The following CCDC30 variants were observed in gnomAD, a reference collection of about 807,000 sequenced individuals.
CCDC30 encodes coiled-coil domain-containing protein 30.
CCDC30 carries 70 observed loss-of-function variants against 100.2 expected under a neutral mutation model. The ratio of observed to expected loss-of-function variants is 0.70; its 90% CI spans 0.58 to 0.85. CCDC30 has a LOEUF of 0.85. Ranked by LOEUF, CCDC30 falls within the 40% of genes least tolerant of loss-of-function variation. The pLI is 0.00. For synonymous variants in CCDC30, 233 were observed against 269.5 expected (o/e 0.86, Z 1.33); for missense variants, 652 against 771.2 (o/e 0.85, Z 1.83).
exon 1 of CCDC30, chr1:42,463,510 C>G (rs921795287): frequency 6.6e-6 from 1 of 152,266 alleles, no homozygotes; most frequent in Non-Finnish European, 1.5e-5. Context: ...AGGAGGGGAA[C>G]CCCTCCTGGC....
At chr1:42,524,158 T>G (rs1644689601) in intron 6 of CCDC30, among the ~76,000 whole-genome samples, 1 of 152,084 alleles carries the variant, frequency 6.6e-6, no homozygotes, top group South Asian at 2.1e-4. Flanking sequence ...TTTGTATTTT[T>G]TTTTCTTAAA....
chr1:42,508,806 A>T (rs933041594), intron 6 of CCDC30, among the ~76,000 whole-genome samples: 3 of 152,190 alleles, frequency 2.0e-5, no homozygotes, highest in Non-Finnish European at 4.4e-5. Context: ...ATGGAGAAAA[A>T]TAGTTCAGTT....
chr1:42,482,938 A>C, intron 3 of CCDC30, 122 bp downstream of exon 3: 1 of 678,480 alleles, frequency 1.5e-6, no homozygotes, highest in Non-Finnish European at 2.1e-6. Flanking sequence ...AAACACATAA[A>C]AGTGATGAAC....
chr1:42,472,087 C>G (rs1181789652), intron 1 of CCDC30, among the ~76,000 whole-genome samples: 1 of 152,088 alleles, frequency 6.6e-6, no homozygotes, highest in Non-Finnish European at 1.5e-5. Context: ...AACCTCGTCT[C>G]TACTAAAAAT....
chr1:42,456,146 A>G, the CCDC30 span: 7 of 661,362 alleles, frequency 1.1e-5, no homozygotes, highest in African/African-American at 1.8e-5. Context: ...ATCTGGGTGT[A>G]TTGCTGAAGT....
chr1:42,484,541 C>T (rs1279780180), intron 3 of CCDC30, among the ~76,000 whole-genome samples: 2 of 152,172 alleles, frequency 1.3e-5, no homozygotes, highest in Non-Finnish European at 2.9e-5. Flanking sequence ...AAAGCCATCT[C>T]CACAGTGAGT....
intron 1 of CCDC30, among the ~76,000 whole-genome samples, chr1:42,479,029 C>G (rs1000140972): frequency 1.3e-5 from 2 of 152,100 alleles, no homozygotes; most frequent in Non-Finnish European, 2.9e-5. Flanking sequence ...AAAGTTGGAG[C>G]ACTAACACTT....
intron 9 of CCDC30, among the ~76,000 whole-genome samples, chr1:42,583,436 T>C (rs907371594): frequency 4.6e-5 from 7 of 152,240 alleles, no homozygotes; most frequent in African/African-American, 7.2e-5. Context: ...ATAGTGTATA[T>C]TGTTTCATAA....
At chr1:42,619,628 A>AACCTCACAGGTATT (rs1646792746) in intron 11 of CCDC30, among the ~76,000 whole-genome samples, 1 of 152,096 alleles carries the variant, frequency 6.6e-6, no homozygotes, top group Admixed American at 6.5e-5. Context: ...ATATAGATGA[A>AACCTCACAGGTATT]ACCTCACAGG....
intron 15 of CCDC30, 95 bp downstream of exon 19, chr1:42,646,412 C>A (rs1166248105): frequency 3.1e-6 from 4 of 1,288,504 alleles, no homozygotes; most frequent in Non-Finnish European, 4.0e-6. Context: ...GGTTTCTACA[C>A]TGGAAAAAGT....
intron 6 of CCDC30, chr1:42,558,135 G>A: frequency 3.2e-6 from 1 of 312,272 alleles, no homozygotes; most frequent in Non-Finnish European, 6.8e-6. Flanking sequence ...TTCTACTCTG[G>A]CAGAGTGACT....
intron 9 of CCDC30, among the ~76,000 whole-genome samples, chr1:42,587,907 A>G (rs866996271): frequency 6.6e-6 from 1 of 152,196 alleles, no homozygotes; most frequent in African/African-American, 2.4e-5. Flanking sequence ...CAGAAAGCCA[A>G]TTACTGAGAC....
At chr1:42,636,201 T>C (rs1647152256) in intron 11 of CCDC30, among the ~76,000 whole-genome samples, 2 of 151,372 alleles carry the variant, frequency 1.3e-5, no homozygotes, top group Non-Finnish European at 2.9e-5. Context: ...AGGAGGATAG[T>C]TTGAGGCAGA....
chr1:42,460,107 A>C (rs1643371076), upstream of CCDC30: 1 of 1,361,764 alleles, frequency 7.3e-7, no homozygotes, highest in African/African-American at 1.5e-5. Flanking sequence ...TGTCATTTTG[A>C]TTTTGAAATT....
chr1:42,627,532 C>A (rs1646955908), intron 11 of CCDC30, among the ~76,000 whole-genome samples: 1 of 152,166 alleles, frequency 6.6e-6, no homozygotes, highest in Non-Finnish European at 1.5e-5. Context: ...TGTCAGAGAC[C>A]TTCACAGCAG....
chr1:42,641,565 C>A (rs1230129719), intron 12 of CCDC30, among the ~76,000 whole-genome samples: 9 of 148,614 alleles, frequency 6.1e-5, no homozygotes, highest in African/African-American at 2.0e-4. Context: ...AACAAAAAAA[C>A]AAAAAAAAAC....
At chr1:42,587,633 T>A (rs1646099963) in intron 9 of CCDC30, among the ~76,000 whole-genome samples, 1 of 152,160 alleles carries the variant, frequency 6.6e-6, no homozygotes, top group South Asian at 2.1e-4. Context: ...CAAATATAAT[T>A]GTCCCCCAAT....
intron 6 of CCDC30, 119 bp from the exon 11 acceptor site, chr1:42,566,177 A>C (rs970288483): frequency 3.6e-5 from 27 of 753,490 alleles, no homozygotes; most frequent in Admixed American, 2.1e-4. Flanking sequence ...AGCTAACTCC[A>C]AAAACATTTA....
intron 4 of CCDC30, among the ~76,000 whole-genome samples, chr1:42,493,208 TAAGAATAAG>T (rs1008653930): frequency 2.0e-5 from 3 of 151,834 alleles, no homozygotes; most frequent in African/African-American, 7.2e-5. Flanking sequence ...TTAAATATAA[TAAGAATAAG>T]AAGAATAAGA....
Sources: allele counts gnomAD v4.1 joint callset (sites outside exome capture counted in the v4.1 genomes callset), GRCh38; gene constraint gnomAD v4.1.1; transcripts MANE v1.5; gene names NCBI Gene and HGNC (gene_info 2026-07-23, HGNC 2026-07-21).